ITGA3: variants seen among roughly 807,000 people sequenced by gnomAD.
ITGA3 encodes integrin alpha-3.
In ITGA3, 70 loss-of-function variants were observed where a neutral mutation model predicts 131.1. The ratio of observed to expected loss-of-function variants is 0.53; its 90% CI spans 0.44 to 0.65. ITGA3 has a LOEUF of 0.65. Ranked by LOEUF, ITGA3 falls within the 30% of genes least tolerant of loss-of-function variation. The pLI is 0.00. For synonymous variants in ITGA3, 537 were observed against 571.6 expected (o/e 0.94, Z 0.86); for missense variants, 1,098 against 1,388.6 (o/e 0.79, Z 3.33).
In ITGA3 at chr17:50,064,084, G is replaced by A. The variant is rs753168663; in HGVS notation, c.214G>A (p.Ala72Thr). Residue 72 changes from alanine (A) to threonine (T), a missense_variant, in exon 2 of 26, where the codon GCT becomes ACT. Ala to Thr is a moderately conservative substitution (Grantham distance 58). Coordinates refer to ENST00000320031, the MANE Select transcript of ITGA3 (RefSeq NM_002204.4). The surrounding 1 kb of genome is among the most constrained non-coding windows in gnomAD (Gnocchi z 4.4). ...CTCCGTCCCTATCCCCAGGCTCCTG[G>A]CTGGTGCCCCCCGGGAGCTCGCTGT... The part of the protein sequence containing the change: ...TERQQRYLLL[A>T]GAPRELAVPD... The A allele has an allele frequency of 4.3e-6, 7 of 1,612,718 alleles. No homozygotes were observed. In the African/African-American group the frequency reaches 9.4e-5, roughly 22 times the overall value.
rs139406372 is a variant in ITGA3 at position 50,082,188 on chromosome 17, T to G, written c.2919+780T>G. On this transcript the variant is annotated intron_variant, in intron 23 of 25. Transcript: ENST00000320031. ...TTTATTCATGTATTTATGTATTTAT[T>G]TATTTATTTATTTTTTGAGATGGAG... Among the ~76,000 whole-genome samples, 237 of 152,030 alleles carry G rather than the reference T, an allele frequency of 1.6e-3. 6 individuals are homozygous for G. In the East Asian group the frequency reaches 0.041, roughly 26 times the overall value.
Position 50,074,007 on chromosome 17 carries a change from A to C in ITGA3, c.1245+3A>C. 6.2e-7 allele frequency: 1 copy of C among 1,608,782 alleles called. No individual in the cohort carries two copies. Among genetic ancestry groups the C allele is most frequent in the Non-Finnish European group, 8.5e-7 (1 of 1,175,272 alleles). On this transcript the variant is annotated splice_donor_region_variant and intron_variant, in intron 8 of 25. Transcript: ENST00000320031. Reference sequence around the variant, plus strand: ...GGCTCCTTAGACAGCCCCAGCAGGTACAGAGAGACGGGGATGGGTCTGCTG... The same window carrying C: ...GGCTCCTTAGACAGCCCCAGCAGGTCCAGAGAGACGGGGATGGGTCTGCTG...
intron 8 of ITGA3, 35 bp downstream of exon 8, chr17:50,074,039 C>G (rs765387709): frequency 6.4e-6 from 10 of 1,566,562 alleles, no homozygotes; most frequent in South Asian, 2.2e-5. Context: ...GCTGCCCCCA[C>G]CAGCCGAGAT....
At chr17:50,071,739 T>G in intron 6 of ITGA3, 1 of 616,532 alleles carries the variant, frequency 1.6e-6, no homozygotes, top group Non-Finnish European at 2.8e-6. Context: ...TATGCTCCAG[T>G]GGATGTGGAT....
intron 7 of ITGA3, 125 bp from the exon 8 acceptor site, chr17:50,073,791 T>C: frequency 1.4e-6 from 1 of 711,164 alleles, no homozygotes; most frequent in East Asian, 2.5e-5. Flanking sequence ...CCTGATGCTC[T>C]GAGCCCTGCC....
chr17:50,087,298 C>G lies in ITGA3; in HGVS notation c.2920-446C>G, dbSNP rs147563235. On this transcript the variant is annotated intron_variant, in intron 23 of 25. Transcript: ENST00000320031. ...CCAAGGCCAAACAGCTCGTGAATAG[C>G]AAACCTGGGCTAGAACCCAGGTAAT... 1.2e-3 allele frequency: 194 copies of G among 155,950 alleles called. 1 individual carries two copies. Among genetic ancestry groups the G allele is most frequent in the African/African-American group, 4.5e-3 (188 of 41,706 alleles). 9.7% of individuals were successfully genotyped at this position (155,950 alleles called of 1,614,324 possible).
Position 50,080,332 on chromosome 17 carries a change from A to G in ITGA3, c.2777A>G (p.Asn926Ser), listed in dbSNP as rs1567703793. The G allele has an allele frequency of 1.2e-6, 2 of 1,613,608 alleles. No homozygotes were observed. Among genetic ancestry groups the G allele is most frequent in the South Asian group, 1.1e-5 (1 of 91,002 alleles). The change falls in exon 22 of 26, where the codon AAC becomes AGC. Residue 926 changes from asparagine to serine, a missense_variant. Around this residue, in one of 3 missense-constraint regions of ITGA3, gnomAD observed 699 missense variants for 829.2 expected, o/e 0.84. Transcript: ENST00000320031. Reference sequence around the variant, plus strand: ...ATCCCTGATGCCCCCGTTGTCACCAACGTGACTGTGAAGGCACGAGTGTGG... The same window carrying G: ...ATCCCTGATGCCCCCGTTGTCACCAGCGTGACTGTGAAGGCACGAGTGTGG... ...CPIPDAPVVTNVTVKARVWNS... is the reference protein window; with the variant it reads ...CPIPDAPVVTSVTVKARVWNS...
chr17:50,083,383 A>T (rs1909261974), intron 23 of ITGA3, among the ~76,000 whole-genome samples: 1 of 152,180 alleles, frequency 6.6e-6, no homozygotes, highest in Admixed American at 6.5e-5. Context: ...TTGATAAATT[A>T]GACTCTATGA....
In ITGA3 at chr17:50,089,112, T is replaced by G. The variant is rs1229815140; in HGVS notation, c.*34T>G. The G allele has an allele frequency of 6.2e-7, 1 of 1,612,448 alleles. No individual in the cohort carries two copies. Among genetic ancestry groups the G allele is most frequent in the Non-Finnish European group, 8.5e-7 (1 of 1,178,938 alleles). On this transcript the variant is annotated splice_region_variant and 3_prime_UTR_variant, in exon 26 of 26. Transcript: ENST00000320031. ...TTCTCTTCTCCCTCCAACTCCAGTG[T>G]GACTTCTTTAAGCGGACCCGCTATT...
At chr17:50,077,169 C>T in intron 15 of ITGA3, 48 bp downstream of exon 15, 1 of 1,496,250 alleles carries the variant, frequency 6.7e-7, no homozygotes. Flanking sequence ...CTCCCCGCGT[C>T]TTTGCATCCC....
Position 50,090,129 on chromosome 17 carries a change from C to A in ITGA3, c.*1051C>A. The A allele has an allele frequency of 1.2e-5, 5 of 414,690 alleles. No homozygotes were observed. The Admixed American group carries it at 1.3e-4, about 11-fold the overall frequency. The allele number at this position is 414,690 out of a possible 1,614,324, so 25.7% of individuals were successfully genotyped here. A position where few individuals can be genotyped will look rare whatever the true frequency, so the allele number is the denominator to read the frequency against. The stretch of plus-strand genomic sequence containing the variant: ...AAGGCCCCAGAGAGACCCTGCAAGA[C>A]CACGGAGGGAGCGACACTTGAATGT... On this transcript the variant is annotated 3_prime_UTR_variant, in exon 26 of 26. Coordinates refer to ENST00000320031, the MANE Select transcript of ITGA3 (RefSeq NM_002204.4).
At chr17:50,062,064 A>G (rs528760915) in intron 1 of ITGA3, among the ~76,000 whole-genome samples, 1 of 152,114 alleles carries the variant, frequency 6.6e-6, no homozygotes, top group African/African-American at 2.4e-5. Flanking sequence ...AAAGAAAGAA[A>G]AAAAGAAATT....
Position 50,088,240 on chromosome 17 carries a change from C to T in ITGA3, c.3061C>T (p.Arg1021Ter), listed in dbSNP as rs1331323083. Reference protein sequence around the residue: ...LLLWKCGFFKRARTRALYEAK... With the variant: ...LLLWKCGFFK ...CCCTCCGCAGTGCGGCTTCTTCAAG[C>T]GAGCCCGCACTCGCGCCCTGTATGA... Residue 1021 changes from arginine to a stop codon, truncating the protein, a stop_gained, in exon 25 of 26, where the codon CGA (arginine) becomes TGA (stop). Coordinates refer to ENST00000320031, the MANE Select transcript of ITGA3 (RefSeq NM_002204.4). LOFTEE classifies it high-confidence loss of function. 13 of 1,567,034 alleles carry T rather than the reference C, an allele frequency of 8.3e-6. No homozygotes were observed. Among genetic ancestry groups the T allele is most frequent in the South Asian group, 2.3e-5 (2 of 85,286 alleles).
chr17:50,078,930 A>AG lies in ITGA3; in HGVS notation c.2400+8dup, dbSNP rs1909049864. Reference sequence around the variant, plus strand: ...CCCCCTCAAGTATGAATTCCAGGTAAGGGGCTCGCCAGAGTCCTGGGCTGG... The same window carrying AG: ...CCCCCTCAAGTATGAATTCCAGGTAAGGGGGCTCGCCAGAGTCCTGGGCTGG... On this transcript the variant is annotated splice_donor_region_variant and intron_variant, in intron 19 of 25. Transcript: ENST00000320031. 1.3e-6 allele frequency: 2 copies of AG among 1,585,134 alleles called. No individual in the cohort carries two copies.
intron 10 of ITGA3, 132 bp downstream of exon 10, chr17:50,074,666 C>T (rs1908799769): frequency 3.0e-6 from 2 of 665,632 alleles, no homozygotes; most frequent in Non-Finnish European, 5.2e-6. Context: ...CAGCATTTGC[C>T]CTCTCTACCC....
At position 50,064,681 on chromosome 17, in the gene ITGA3, A is replaced by G; in HGVS notation, c.414+74A>G. 7.5e-7 allele frequency: 1 copy of G among 1,330,958 alleles called. No individual in the cohort carries two copies. Among genetic ancestry groups the G allele is most frequent in the Non-Finnish European group, 1.1e-6 (1 of 950,372 alleles). The allele number at this position is 1,330,958 out of a possible 1,614,324, so 82.4% of individuals were successfully genotyped here. On this transcript the variant is annotated intron_variant, in intron 3 of 25. Coordinates refer to ENST00000320031, the MANE Select transcript of ITGA3 (RefSeq NM_002204.4). This position sits in a 1 kb window ranked among gnomAD's most constrained non-coding sequence, Gnocchi z 4.4. ...CTCATCTCCAGAGCTGGGAGGAAAG[A>G]AGAGGGCAGCAGGGGGGTCCACGGC...
At chr17:50,066,279 C>T (rs1296871019) in intron 3 of ITGA3, among the ~76,000 whole-genome samples, 7 of 151,176 alleles carry the variant, frequency 4.6e-5, no homozygotes, top group African/African-American at 1.2e-4. Context: ...GGATTTCAGG[C>T]GTGAGCCACC....
rs200402571 is a variant in ITGA3, at chr17:50,089,207, C to T, written c.*129C>T. 8 of 1,613,640 alleles carry T rather than the reference C, an allele frequency of 5.0e-6. No homozygotes were observed. In the Middle Eastern group the frequency reaches 4.9e-4, roughly 99 times the overall value. The stretch of plus-strand genomic sequence containing the variant: ...GAGCGCTACCCACCTCCAGGGAGCA[C>T]CCTGCCCACCAAGAAGCACTGGGTG... On this transcript the variant is annotated 3_prime_UTR_variant, in exon 26 of 26. Transcript: ENST00000320031.
intron 23 of ITGA3, among the ~76,000 whole-genome samples, chr17:50,085,904 A>ATT (rs1567706036): frequency 5.6e-5 from 5 of 89,398 alleles, no homozygotes; most frequent in Non-Finnish European, 1.1e-4. Flanking sequence ...GATTATACAC[A>ATT]TATAGATTTA....
Sources: gnomAD v4.1 joint callset for allele counts (sites outside exome capture counted in the v4.1 genomes callset) on GRCh38, gnomAD v4.1.1 for gene constraint, gnomAD v4.1.1 regional missense constraint, Gnocchi (gnomAD v3.1) non-coding constraint, MANE v1.5 for transcripts, NCBI Gene and HGNC (gene_info 2026-07-23, HGNC 2026-07-21) for gene names.